The following HIBADH variants were observed in gnomAD, a reference collection of about 807,000 sequenced individuals.
HIBADH encodes the protein 3-hydroxyisobutyrate dehydrogenase, mitochondrial.
Under a neutral mutation model 36.1 loss-of-function variants are expected in HIBADH, and 25 were observed. The observed-to-expected ratio is 0.69, with a 90% CI of 0.50 to 0.97. The LOEUF is 0.97. HIBADH is among the 50% of genes least tolerant of loss of function. The probability of loss-of-function intolerance (pLI) is 0.00; values close to 1 mark genes in which losing one functional copy is unlikely to be tolerated. For missense variants in HIBADH, 421 were observed against 418.0 expected, an observed-to-expected ratio of 1.01 and a Z score of -0.06; for synonymous variants, 160 against 149.5, an observed-to-expected ratio of 1.07 and a Z score of -0.51.
intron 4 of HIBADH, among the ~76,000 whole-genome samples, chr7:27,581,577 G>C (rs550644298): frequency 6.6e-6 from 1 of 152,156 alleles, no homozygotes; most frequent in Non-Finnish European, 1.5e-5. Context: ...AGGTTTAATT[G>C]ATAAAAATTT....
intron 4 of HIBADH, among the ~76,000 whole-genome samples, chr7:27,582,384 A>G (rs1307072760): frequency 6.6e-6 from 1 of 152,140 alleles, no homozygotes; most frequent in Non-Finnish European, 1.5e-5. Flanking sequence ...GGGATGTTAC[A>G]TAGCATATGG....
At chr7:27,626,584 A>G (rs1562650218) in intron 4 of HIBADH, among the ~76,000 whole-genome samples, 1 of 152,192 alleles carries the variant, frequency 6.6e-6, no homozygotes, top group Non-Finnish European at 1.5e-5. Context: ...TTAAGTAATA[A>G]TTCTTACTTT....
chr7:27,531,945 CTT>C (rs1313430871), intron 6 of HIBADH, among the ~76,000 whole-genome samples: 1 of 152,108 alleles, frequency 6.6e-6, no homozygotes, highest in African/African-American at 2.4e-5. Context: ...TTTATTAAAT[CTT>C]TATTAGACAA....
chr7:27,593,675 T>C (rs1474421022), intron 4 of HIBADH, among the ~76,000 whole-genome samples: 1 of 151,902 alleles, frequency 6.6e-6, no homozygotes, highest in Non-Finnish European at 1.5e-5. Context: ...AAATGTTTAA[T>C]AACCAGTTAA....
intron 4 of HIBADH, among the ~76,000 whole-genome samples, chr7:27,608,016 T>C (rs573974306): frequency 2.0e-5 from 3 of 152,334 alleles, no homozygotes; most frequent in Admixed American, 1.3e-4. Context: ...TAATTAATGA[T>C]AAAATTATTC....
chr7:27,639,465 G>C (rs1392344805), intron 2 of HIBADH, among the ~76,000 whole-genome samples: 2 of 152,052 alleles, frequency 1.3e-5, no homozygotes, highest in African/African-American at 4.8e-5. Context: ...AGAGGGTGAG[G>C]ATCAAAAAAC....
At chr7:27,641,430 G>T (rs960441283) in intron 2 of HIBADH, among the ~76,000 whole-genome samples, 1 of 152,110 alleles carries the variant, frequency 6.6e-6, no homozygotes, top group Non-Finnish European at 1.5e-5. Flanking sequence ...AAAAATGTAT[G>T]AGTCAACTCA....
At chr7:27,546,738 G>C (rs1322430219) in intron 4 of HIBADH, among the ~76,000 whole-genome samples, 2 of 152,080 alleles carry the variant, frequency 1.3e-5, no homozygotes, top group Non-Finnish European at 2.9e-5. Flanking sequence ...AATTAACTGG[G>C]CACCTGCTAA....
Position 27,537,715 on chromosome 7 carries a change from C to G in HIBADH, c.695+626G>C, listed in dbSNP as rs371294727. Among the ~76,000 whole-genome samples, 468 of 151,988 alleles carry G rather than the reference C, an allele frequency of 3.1e-3. 3 individuals are homozygous for G. The highest frequency in any genetic ancestry group is 0.011 in the African/African-American group (448 of 41,484). On this transcript the variant is annotated intron_variant, in intron 6 of 7. Transcript: ENST00000265395. ...AAAAGATGATCATCCATAGGAAAAA[C>G]AGAATTCCTGAATCACTTTAAGCAA...
intron 2 of HIBADH, among the ~76,000 whole-genome samples, chr7:27,639,345 C>T (rs1785917555): frequency 6.6e-6 from 1 of 152,064 alleles, no homozygotes; most frequent in Non-Finnish European, 1.5e-5. Flanking sequence ...GGGAAAGAAA[C>T]CAAATACCAC....
rs143299415 is a variant in HIBADH, at chr7:27,642,267, T to G, written c.252+7206A>C. Among the ~76,000 whole-genome samples the G allele has an allele frequency of 2.4e-3, 372 of 152,348 alleles. 1 individual carries two copies. Among genetic ancestry groups the G allele is most frequent in the Admixed American group, 3.5e-3 (54 of 15,304 alleles). ...CAATCTTTGTTGGGTGAGTAAAGATTACATGCAATCTTCCTGTAATTCCCT... is the reference window on the plus strand; with the variant it reads ...CAATCTTTGTTGGGTGAGTAAAGATGACATGCAATCTTCCTGTAATTCCCT... On this transcript the variant is annotated intron_variant, in intron 2 of 7. Coordinates refer to ENST00000265395, the MANE Select transcript of HIBADH (RefSeq NM_152740.4).
chr7:27,604,028 T>C (rs945339898), intron 4 of HIBADH, among the ~76,000 whole-genome samples: 1 of 152,204 alleles, frequency 6.6e-6, no homozygotes, highest in Middle Eastern at 3.4e-3. Flanking sequence ...CCCCTCCTCC[T>C]CCACTTAGAC....
At chr7:27,621,852 A>G (rs1205777993) in intron 4 of HIBADH, among the ~76,000 whole-genome samples, 1 of 152,118 alleles carries the variant, frequency 6.6e-6, no homozygotes, top group African/African-American at 2.4e-5. Flanking sequence ...AAATATAACT[A>G]AAATTAATAC....
chr7:27,613,643 GT>G (rs1785372705), intron 4 of HIBADH, among the ~76,000 whole-genome samples: 1 of 131,210 alleles, frequency 7.6e-6, no homozygotes, highest in African/African-American at 2.9e-5. Context: ...GGGGTTTTTT[GT>G]TGTTGTTGTG....
intron 2 of HIBADH, among the ~76,000 whole-genome samples, chr7:27,645,731 A>G (rs1202420270): frequency 6.6e-6 from 1 of 151,960 alleles, no homozygotes; most frequent in East Asian, 1.9e-4. Flanking sequence ...ATCTTTTCAC[A>G]TGTTTACTGG....
At chr7:27,645,377 T>TGTTTGTTTGTTTTG (rs1277398828) in intron 2 of HIBADH, among the ~76,000 whole-genome samples, 1 of 125,916 alleles carries the variant, frequency 7.9e-6, no homozygotes, top group African/African-American at 3.2e-5. Context: ...GATTTTTTTT[T>TGTTTGTTTGTTTTG]TTTTTTTTTT....
At chr7:27,568,701 CT>C (rs775119831) in intron 4 of HIBADH, among the ~76,000 whole-genome samples, 1 of 152,100 alleles carries the variant, frequency 6.6e-6, no homozygotes, top group Non-Finnish European at 1.5e-5. Flanking sequence ...AAACTCCTGA[CT>C]TCAAGTGATC....
chr7:27,584,958 C>G (rs1475769546), intron 4 of HIBADH, among the ~76,000 whole-genome samples: 2 of 151,826 alleles, frequency 1.3e-5, no homozygotes, highest in African/African-American at 4.8e-5. Context: ...CACTGAGAAC[C>G]AATGTTCTTA....
chr7:27,566,699 GCA>G (rs748416969), intron 4 of HIBADH, among the ~76,000 whole-genome samples: 25 of 152,050 alleles, frequency 1.6e-4, no homozygotes, highest in Non-Finnish European at 3.2e-4. Context: ...TTCCTTCCAA[GCA>G]CTGCTTTAGG....
Sources: gnomAD v4.1 joint callset for allele counts (sites outside exome capture counted in the v4.1 genomes callset) on GRCh38, gnomAD v4.1.1 for gene constraint, MANE v1.5 for transcripts, NCBI Gene and HGNC (gene_info 2026-07-23, HGNC 2026-07-21) for gene names.